TMTC2: variants seen among roughly 807,000 people sequenced by gnomAD.
TMTC2 encodes the protein transmembrane O-mannosyltransferase targeting cadherins 2.
Under a neutral mutation model 82.4 loss-of-function variants are expected in TMTC2, and 43 were observed. That is an observed-to-expected ratio of 0.52 (90% CI 0.41 to 0.67). The LOEUF (loss-of-function observed/expected upper bound fraction) is 0.67. Among genes scored for constraint, TMTC2 ranks in the 30% least tolerant of loss-of-function variants. TMTC2 has a pLI of 0.00. For synonymous variants in TMTC2, 408 were observed against 381.9 expected, an observed-to-expected ratio of 1.07 and a Z score of -0.80; for missense variants, 919 against 1,012.4, an observed-to-expected ratio of 0.91 and a Z score of 1.25.
chr12:82,897,012 T>C (rs1873722787), intron 3 of TMTC2, among the ~76,000 whole-genome samples: 1 of 152,168 alleles, frequency 6.6e-6, no homozygotes, highest in East Asian at 1.9e-4. Context: ...AGTTAGGCTA[T>C]CCCACTGAAG....
intron 8 of TMTC2, among the ~76,000 whole-genome samples, chr12:82,997,457 T>G (rs1400376588): frequency 5.9e-5 from 8 of 135,972 alleles, no homozygotes; most frequent in South Asian, 5.0e-4. Context: ...TATAATATTT[T>G]TATATATAGT....
chr12:83,075,010 G>T (rs533565433), intron 11 of TMTC2, among the ~76,000 whole-genome samples: 2 of 152,308 alleles, frequency 1.3e-5, no homozygotes, highest in East Asian at 3.9e-4. Flanking sequence ...TGTCAGGCAG[G>T]AATGGCCTGC....
intron 11 of TMTC2, among the ~76,000 whole-genome samples, chr12:83,106,453 C>G (rs904099947): frequency 9.5e-5 from 14 of 146,910 alleles, no homozygotes; most frequent in Non-Finnish European, 1.6e-4. Context: ...GAGCCGAGAT[C>G]ACGCCATTGC....
chr12:82,882,730 G>C (rs569672685), intron 2 of TMTC2, among the ~76,000 whole-genome samples: 2 of 152,166 alleles, frequency 1.3e-5, no homozygotes, highest in East Asian at 1.9e-4. Flanking sequence ...TGAAACTGAT[G>C]GATGCTTTCC....
chr12:82,729,315 G>C (rs545208578), intron 1 of TMTC2, among the ~76,000 whole-genome samples: 156 of 152,304 alleles, frequency 1.0e-3, no homozygotes, highest in African/African-American at 3.7e-3. Flanking sequence ...CAGGGTTTGT[G>C]AATGCACCCA....
At chr12:82,709,082 A>G (rs1414342755) in intron 1 of TMTC2, among the ~76,000 whole-genome samples, 1 of 141,754 alleles carries the variant, frequency 7.1e-6, no homozygotes, top group Non-Finnish European at 1.5e-5. Flanking sequence ...CTGTGATAGG[A>G]TTTTTTTTTT....
chr12:82,902,239 C>A (rs373773141), intron 3 of TMTC2, among the ~76,000 whole-genome samples: 1 of 150,040 alleles, frequency 6.7e-6, no homozygotes, highest in Non-Finnish European at 1.5e-5. Context: ...GGAAGGAAAA[C>A]CCCCAAAAGT....
At position 82,687,333 on chromosome 12, in the gene TMTC2, C is replaced by T. The variant is rs1293854768; in HGVS notation, c.-254C>T. The T allele has an allele frequency of 3.7e-6, 2 of 544,710 alleles. No individual in the cohort carries two copies. Among genetic ancestry groups the T allele is most frequent in the Non-Finnish European group, 3.3e-6 (1 of 302,852 alleles). The allele number at this position is 544,710 out of a possible 1,614,324, so 33.7% of individuals were successfully genotyped here. On this transcript the variant is annotated 5_prime_UTR_variant, in exon 1 of 12. Transcript: ENST00000321196. ...GACGCGGAGCCCAAACGCCGCTCAC[C>T]GCTTGCGGGCGCCGGGCATGGGGAG... is the stretch of plus-strand genomic sequence containing the variant.
chr12:82,780,749 C>A (rs997287685), intron 1 of TMTC2, among the ~76,000 whole-genome samples: 1 of 130,554 alleles, frequency 7.7e-6, no homozygotes, highest in East Asian at 1.9e-4. Flanking sequence ...AAAGAAGGCA[C>A]GTGACACAAA....
At chr12:82,944,611 A>G (rs1461435815) in intron 4 of TMTC2, among the ~76,000 whole-genome samples, 1 of 151,962 alleles carries the variant, frequency 6.6e-6, no homozygotes, top group Non-Finnish European at 1.5e-5. Context: ...GTAGAAACCT[A>G]AAGTTGGCTT....
At chr12:82,737,194 A>G (rs914057255) in intron 1 of TMTC2, among the ~76,000 whole-genome samples, 2 of 152,196 alleles carry the variant, frequency 1.3e-5, no homozygotes, top group African/African-American at 4.8e-5. Flanking sequence ...GGTATTGTTT[A>G]AACTCTTTAT....
intron 7 of TMTC2, among the ~76,000 whole-genome samples, chr12:82,980,804 G>A (rs1055021070): frequency 3.3e-5 from 5 of 151,792 alleles, no homozygotes; most frequent in Non-Finnish European, 5.9e-5. Flanking sequence ...TTTGCCCATA[G>A]CCACTTACTA....
chr12:82,930,970 G>C (rs141990750), intron 4 of TMTC2, among the ~76,000 whole-genome samples: 1 of 152,048 alleles, frequency 6.6e-6, no homozygotes, highest in Non-Finnish European at 1.5e-5. Flanking sequence ...GTGCAGAGAC[G>C]CTGTCATAGC....
chr12:82,877,406 T>C (rs1289649335), intron 2 of TMTC2, among the ~76,000 whole-genome samples: 1 of 152,186 alleles, frequency 6.6e-6, no homozygotes, highest in Non-Finnish European at 1.5e-5. Flanking sequence ...TGTTTACAAA[T>C]TATCCTAACA....
chr12:82,950,130 A>T (rs1341955491), intron 4 of TMTC2, among the ~76,000 whole-genome samples: 10 of 152,182 alleles, frequency 6.6e-5, no homozygotes, highest in Non-Finnish European at 1.3e-4. Flanking sequence ...TTGAAGCCTG[A>T]TACCTCTGAA....
At chr12:82,755,929 A>G (rs1876296331) in intron 1 of TMTC2, among the ~76,000 whole-genome samples, 2 of 152,190 alleles carry the variant, frequency 1.3e-5, no homozygotes, top group Non-Finnish European at 2.9e-5. Context: ...ATGCTGTACT[A>G]GGAAAAAAAA....
At chr12:83,007,235 G>C (rs1283974607) in intron 8 of TMTC2, among the ~76,000 whole-genome samples, 1 of 151,492 alleles carries the variant, frequency 6.6e-6, no homozygotes, top group Non-Finnish European at 1.5e-5. Context: ...TGCTGACTTT[G>C]GACTTAGTTT....
chr12:82,741,281 T>C (rs1481803393), intron 1 of TMTC2, among the ~76,000 whole-genome samples: 2 of 152,274 alleles, frequency 1.3e-5, no homozygotes, highest in African/African-American at 4.8e-5. Flanking sequence ...CTTGACTGTT[T>C]CCCACAGCTC....
At chr12:82,878,503 G>A (rs1440977882) in intron 2 of TMTC2, among the ~76,000 whole-genome samples, 1 of 152,142 alleles carries the variant, frequency 6.6e-6, no homozygotes, top group Non-Finnish European at 1.5e-5. Flanking sequence ...TTAAAATTGT[G>A]ACAATAATGG....
Sources: allele counts gnomAD v4.1 joint callset (sites outside exome capture counted in the v4.1 genomes callset), GRCh38; gene constraint gnomAD v4.1.1; transcripts MANE v1.5; gene names NCBI Gene and HGNC (gene_info 2026-07-23, HGNC 2026-07-21).